The following TMEM63B variants were observed in gnomAD, a reference collection of about 807,000 sequenced individuals.
TMEM63B encodes the protein transmembrane protein 63B.
TMEM63B carries 23 observed loss-of-function variants against 102.6 expected under a neutral mutation model. The observed-to-expected ratio is 0.22, with a 90% CI of 0.16 to 0.32. The LOEUF (loss-of-function observed/expected upper bound fraction) is 0.32, where lower values mean the gene tolerates loss of function less well. Ranked by LOEUF, TMEM63B falls within the 10% of genes least tolerant of loss-of-function variation. The probability of loss-of-function intolerance (pLI) is 1.00; values close to 1 mark genes in which losing one functional copy is unlikely to be tolerated. For missense variants in TMEM63B, 628 were observed against 1,095.9 expected, an observed-to-expected ratio of 0.57 and a Z score of 6.03; for synonymous variants, 444 against 437.0, an observed-to-expected ratio of 1.02 and a Z score of -0.20.
At position 44,152,057 on chromosome 6, in the gene TMEM63B, C is replaced by T; in HGVS notation, c.1836+49C>T. On this transcript the variant is annotated intron_variant, in intron 19 of 23. Coordinates refer to ENST00000323267, the MANE Select transcript of TMEM63B (RefSeq NM_018426.3). The surrounding 1 kb of genome is among the most constrained non-coding windows in gnomAD (Gnocchi z 6.4). ...GGCCCGCACAGCGCCCCCTGGTGGC[C>T]CAACAAGAAACAGCAGCCATCGCGC... The T allele has an allele frequency of 6.5e-7, 1 of 1,536,284 alleles. No individual in the cohort carries two copies. The highest frequency in any genetic ancestry group is 8.7e-7 in the Non-Finnish European group (1 of 1,145,084).
In TMEM63B at chr6:44,134,234, T is replaced by G. The variant is rs536999608; in HGVS notation, c.-24-327T>G. Reference sequence around the variant, plus strand: ...CCCTAAGACAGAGAGAATGAGAGTGTGGGGGTGGCGGCGGCAGGGGGGATT... The same window carrying G: ...CCCTAAGACAGAGAGAATGAGAGTGGGGGGGTGGCGGCGGCAGGGGGGATT... On this transcript the variant is annotated intron_variant, in intron 1 of 23. Transcript: ENST00000323267. 5.9e-5 allele frequency among the ~76,000 whole-genome samples: 9 copies of G among 152,160 alleles called. No individual in the cohort carries two copies. The East Asian group carries it at 1.5e-3, about 26-fold the overall frequency.
chr6:44,148,730 G>A lies in TMEM63B; in HGVS notation c.1260-62G>A. Reference sequence around the variant, plus strand: ...GTAGGCGGAGGAGAGGGAGTGTCTTGGTGTCACTGGGGGCCAATCCTGCCC... The same window carrying A: ...GTAGGCGGAGGAGAGGGAGTGTCTTAGTGTCACTGGGGGCCAATCCTGCCC... On this transcript the variant is annotated intron_variant, in intron 14 of 23. Transcript: ENST00000323267. The surrounding 1 kb of genome is among the most constrained non-coding windows in gnomAD (Gnocchi z 5.1). 1 of 1,611,282 alleles carries A rather than the reference G, an allele frequency of 6.2e-7. No homozygotes were observed. The highest frequency in any genetic ancestry group is 8.5e-7 in the Non-Finnish European group (1 of 1,177,834).
chr6:44,128,576 GC>G (rs1777678426), intron 1 of TMEM63B, among the ~76,000 whole-genome samples: 1 of 152,380 alleles, frequency 6.6e-6, no homozygotes, highest in South Asian at 2.1e-4. Context: ...GCGCTGTGCT[GC>G]CCCCTGCCTG....
chr6:44,151,745 C>T (rs1221653862), intron 18 of TMEM63B, 101 bp from the exon 19 acceptor site: 2 of 1,362,668 alleles, frequency 1.5e-6, no homozygotes, highest in African/African-American at 1.5e-5. Flanking sequence ...ATGGAAGAAG[C>T]ATGTTGGTGG....
chr6:44,149,071 C>G (rs1347186734), intron 15 of TMEM63B, 126 bp downstream of exon 15: 1 of 1,445,858 alleles, frequency 6.9e-7, no homozygotes, highest in Non-Finnish European at 9.5e-7. Context: ...CACCAACCAG[C>G]TCCCAAAAAC....
Position 44,135,293 on chromosome 6 carries a change from C to T in TMEM63B, c.240-35C>T, listed in dbSNP as rs200273848. On this transcript the variant is annotated intron_variant, in intron 3 of 23. Coordinates refer to ENST00000323267, the MANE Select transcript of TMEM63B (RefSeq NM_018426.3). ...TCACCTGTCCCCAGGGACTCTCCCC[C>T]GCCCCTGCTAACCCTGTCTGTTCTC... 4.5e-4 allele frequency: 716 copies of T among 1,604,170 alleles called. 10 individuals are homozygous for T. The South Asian group carries it at 6.3e-3, about 14-fold the overall frequency.
intron 1 of TMEM63B, among the ~76,000 whole-genome samples, chr6:44,133,993 C>G (rs977898427): frequency 2.6e-5 from 4 of 152,248 alleles, no homozygotes; most frequent in African/African-American, 4.8e-5. Context: ...ACTTCCTACT[C>G]TGACCCATCG....
chr6:44,149,029 C>T, intron 15 of TMEM63B, 84 bp downstream of exon 15: 1 of 1,599,812 alleles, frequency 6.3e-7, no homozygotes. Context: ...ACTTGCCCAG[C>T]CCAGCCCGTT....
At position 44,138,633 on chromosome 6, in the gene TMEM63B, C is replaced by G. The variant is rs1763490886; in HGVS notation, c.407+116C>G. The G allele has an allele frequency of 3.2e-6, 4 of 1,233,108 alleles. No homozygotes were observed. The Admixed American group carries it at 5.2e-5, about 16-fold the overall frequency. The allele number at this position is 1,233,108 out of a possible 1,614,324, so 76.4% of individuals were successfully genotyped here. A position where few individuals can be genotyped will look rare whatever the true frequency, so the allele number is the denominator to read the frequency against. On this transcript the variant is annotated intron_variant, in intron 6 of 23. Transcript: ENST00000323267. ...GCCTTAGCACTCCTCGCCAGCACAG[C>G]ACCCTCCTCCCTGCTCTCAAAGGCC...
chr6:44,153,943 G>A lies in TMEM63B; in HGVS notation c.2110+100G>A, dbSNP rs762115434. 1.5e-3 allele frequency: 2,309 copies of A among 1,567,314 alleles called. 2 individuals carry two copies. The highest frequency in any genetic ancestry group is 2.0e-3 in the Admixed American group (112 of 57,310). Reference sequence around the variant, plus strand: ...CCGCATGGCTGGGGGTGGCAGGCAAGGGGCCTGGGAGAGGCTGGGGCCAGT... The same window carrying A: ...CCGCATGGCTGGGGGTGGCAGGCAAAGGGCCTGGGAGAGGCTGGGGCCAGT... On this transcript the variant is annotated intron_variant, in intron 21 of 23. Transcript: ENST00000323267.
At chr6:44,154,653 C>A in intron 23 of TMEM63B, 39 bp from the exon 24 acceptor site, 4 of 1,526,370 alleles carry the variant, frequency 2.6e-6, no homozygotes, top group Non-Finnish European at 3.5e-6. Flanking sequence ...CCATGAGGGG[C>A]AGCTGTTCAC....
intron 15 of TMEM63B, among the ~76,000 whole-genome samples, chr6:44,149,640 A>T (rs9381294): frequency 0.086 from 13,133 of 152,226 alleles, 826 homozygotes; most frequent in East Asian, 0.25. Context: ...AACATAGTAG[A>T]TGTTCAGCAA....
intron 1 of TMEM63B, among the ~76,000 whole-genome samples, chr6:44,129,365 CAAAAAAA>C (rs11331641): frequency 9.7e-6 from 1 of 103,156 alleles, no homozygotes; most frequent in African/African-American, 3.7e-5. Context: ...AAGACTGTCT[CAAAAAAA>C]AAAAAAAAAA....
At chr6:44,151,230 G>A (rs1766539188) in intron 18 of TMEM63B, among the ~76,000 whole-genome samples, 1 of 152,140 alleles carries the variant, frequency 6.6e-6, no homozygotes, top group Non-Finnish European at 1.5e-5. Flanking sequence ...AGATGTAACT[G>A]TGGAGTTCTG....
At chr6:44,139,809 G>A in intron 8 of TMEM63B, 50 bp downstream of exon 8, 1 of 1,611,248 alleles carries the variant, frequency 6.2e-7, no homozygotes, top group Non-Finnish European at 8.5e-7. Context: ...CCAGAGTCTG[G>A]GCCATGATGT....
In TMEM63B at chr6:44,135,019, A is replaced by C; in HGVS notation, c.162A>C (p.Ala54=). ...VLALDFMCFL[A]LLFLFSILRK... ...CCAACTGCCCCCTCTTCCCTCAGGC[A>C]CTGCTGTTCTTATTCTCTATCCTCC... Residue 54 remains alanine (A), a splice_region_variant and synonymous_variant, in exon 3 of 24, where the codon GCA becomes GCC. Transcript: ENST00000323267. 1 of 1,614,196 alleles carries C rather than the reference A, an allele frequency of 6.2e-7. No homozygotes were observed. The highest frequency in any genetic ancestry group is 8.5e-7 in the Non-Finnish European group (1 of 1,180,020).
At position 44,154,725 on chromosome 6, in the gene TMEM63B, G is replaced by A; in HGVS notation, c.2341G>A (p.Val781Met). The change falls in exon 24 of 24, where the codon GTG becomes ATG. Residue 781 changes from valine to methionine, a missense_variant. Coordinates refer to ENST00000323267, the MANE Select transcript of TMEM63B (RefSeq NM_018426.3). ...YIAQVLQDSE[V>M]DGDGDGAPGS... ...CGCTCAGGTGCTGCAGGACTCAGAGGTGGACGGGGATGGGGATGGGGCTCC... is the reference window on the plus strand; with the variant it reads ...CGCTCAGGTGCTGCAGGACTCAGAGATGGACGGGGATGGGGATGGGGCTCC... The A allele has an allele frequency of 1.3e-6, 2 of 1,580,456 alleles. No homozygotes were observed. Among genetic ancestry groups the A allele is most frequent in the Non-Finnish European group, 8.6e-7 (1 of 1,165,802 alleles).
intron 5 of TMEM63B, 113 bp from the exon 6 acceptor site, chr6:44,138,360 TAGTGAGG>T: frequency 2.4e-6 from 3 of 1,262,324 alleles, no homozygotes; most frequent in Admixed American, 1.8e-5. Context: ...GATTTTTTTT[TAGTGAGG>T]GGTGTGGAAG....
chr6:44,138,523 T>C lies in TMEM63B; in HGVS notation c.407+6T>C. The stretch of plus-strand genomic sequence containing the variant: ...ACAGCCATCTTCAGGATAAAGTAAG[T>C]GGACCATCTTCAAGCTCTAAAGAAA... On this transcript the variant is annotated splice_donor_region_variant and intron_variant, in intron 6 of 23. Transcript: ENST00000323267. The C allele has an allele frequency of 6.2e-7, 1 of 1,613,972 alleles. No individual in the cohort carries two copies. The highest frequency in any genetic ancestry group is 8.5e-7 in the Non-Finnish European group (1 of 1,179,960).
Sources: gnomAD v4.1 joint callset for allele counts (sites outside exome capture counted in the v4.1 genomes callset) on GRCh38, gnomAD v4.1.1 for gene constraint, Gnocchi (gnomAD v3.1) non-coding constraint, MANE v1.5 for transcripts, NCBI Gene and HGNC (gene_info 2026-07-23, HGNC 2026-07-21) for gene names.